ANXA1: variants seen among roughly 807,000 people sequenced by gnomAD.
ANXA1 encodes annexin I (lipocortin I).
A neutral mutation model predicts 47.9 loss-of-function variants in ANXA1; 39 were observed. That is an observed-to-expected ratio of 0.81 (90% CI 0.63 to 1.06). ANXA1 has a LOEUF of 1.06. Ranked by LOEUF, ANXA1 falls within the 50% of genes least tolerant of loss-of-function variation. The pLI is 0.00. For synonymous variants in ANXA1, 146 were observed against 142.5 expected, an observed-to-expected ratio of 1.02 and a Z score of -0.17; for missense variants, 446 against 422.7, an observed-to-expected ratio of 1.06 and a Z score of -0.48.
At chr9:73,166,679 T>G (rs1824234609) in intron 10 of ANXA1, among the ~76,000 whole-genome samples, 1 of 152,144 alleles carries the variant, frequency 6.6e-6, no homozygotes, top group African/African-American at 2.4e-5. Flanking sequence ...CCATCAGGGT[T>G]GGGGAACCTA....
chr9:73,155,857 TAAAC>T lies in ANXA1; in HGVS notation c.-14-2662_-14-2659del, dbSNP rs76491241. On this transcript the variant is annotated intron_variant, in intron 1 of 12. Transcript: ENST00000257497. Reference sequence around the variant, plus strand: ...TGCTCTCTCTTTCAAATAAGTGACTTAAACAACTTATTTTTGTTATCTTGTGTTA... The same window carrying T: ...TGCTCTCTCTTTCAAATAAGTGACTTAACTTATTTTTGTTATCTTGTGTTA... 7.2e-3 allele frequency among the ~76,000 whole-genome samples: 1,101 copies of T among 152,068 alleles called. 52 individuals carry two copies. In the East Asian group the frequency reaches 0.12, roughly 17 times the overall value.
intron 1 of ANXA1, among the ~76,000 whole-genome samples, chr9:73,153,508 T>C (rs1824002403): frequency 1.3e-5 from 2 of 152,216 alleles, no homozygotes; most frequent in African/African-American, 2.4e-5. Flanking sequence ...ATATTTAAGA[T>C]TGGCACTTCA....
At chr9:73,159,074 G>A (rs1824095951) in intron 3 of ANXA1, among the ~76,000 whole-genome samples, 2 of 152,166 alleles carry the variant, frequency 1.3e-5, no homozygotes, top group Non-Finnish European at 2.9e-5. Flanking sequence ...ATATAGAGTT[G>A]CAACTAGTAT....
intron 4 of ANXA1, 96 bp downstream of exon 4, chr9:73,159,519 AC>A: frequency 2.0e-6 from 2 of 1,001,972 alleles, no homozygotes; most frequent in Non-Finnish European, 3.0e-6. Context: ...TAAGGTTCTA[AC>A]CACTGTTTTC....
intron 1 of ANXA1, among the ~76,000 whole-genome samples, chr9:73,155,063 T>C (rs1029278097): frequency 2.0e-5 from 3 of 152,126 alleles, no homozygotes; most frequent in African/African-American, 4.8e-5. Context: ...CACATAAATA[T>C]GCAAAAAAAT....
At chr9:73,162,915 T>A in intron 7 of ANXA1, 54 bp downstream of exon 7, 1 of 1,423,500 alleles carries the variant, frequency 7.0e-7, no homozygotes, top group South Asian at 1.2e-5. Context: ...ACTAATTTCT[T>A]AGTCCATTTT....
At chr9:73,163,201 G>T (rs111402904) in intron 7 of ANXA1, among the ~76,000 whole-genome samples, 2 of 152,014 alleles carry the variant, frequency 1.3e-5, no homozygotes, top group African/African-American at 4.8e-5. Context: ...CCCAGTGACG[G>T]CATTAATCTC....
Position 73,158,684 on chromosome 9 carries a change from C to G in ANXA1, c.67-11C>G, listed in dbSNP as rs1284668906. 6.2e-7 allele frequency: 1 copy of G among 1,613,524 alleles called. No individual in the cohort carries two copies. ...TAAATGGCCATTAATTTATTTCTCT[C>G]TCATTCTTAGCAAACTGTGAAGTCA... On this transcript the variant is annotated splice_polypyrimidine_tract_variant and intron_variant, in intron 2 of 12. Transcript: ENST00000257497.
chr9:73,155,513 G>T (rs1460715050), intron 1 of ANXA1, among the ~76,000 whole-genome samples: 5 of 152,196 alleles, frequency 3.3e-5, no homozygotes, highest in African/African-American at 1.2e-4. Flanking sequence ...GTATTTGTTA[G>T]TTGTATTATA....
chr9:73,163,649 A>G (rs1041947935), intron 8 of ANXA1, 117 bp downstream of exon 8: 8 of 1,011,392 alleles, frequency 7.9e-6, no homozygotes, highest in Non-Finnish European at 1.0e-5. Context: ...TGGCTTCTTA[A>G]TGTTCATTTC....
chr9:73,162,824 C>A lies in ANXA1; in HGVS notation c.518C>A (p.Ser173Tyr), dbSNP rs544683457. 6.2e-7 allele frequency: 1 copy of A among 1,613,188 alleles called. No individual in the cohort carries two copies. Among genetic ancestry groups the A allele is most frequent in the Non-Finnish European group, 8.5e-7 (1 of 1,179,500 alleles). ...GCCAAAGACATAACCTCAGACACAT[C>A]TGGAGATTTTCGGAACGCTTTGCTT... ...DLAKDITSDTSGDFRNALLSL... is the reference protein window; with the variant it reads ...DLAKDITSDTYGDFRNALLSL... The change falls in exon 7 of 13, where the codon TCT becomes TAT. Residue 173 changes from serine to tyrosine, a missense_variant. Ser to Tyr is a moderately radical substitution (Grantham distance 144). Transcript: ENST00000257497.
chr9:73,154,336 C>A (rs1327959800), intron 1 of ANXA1: 1 of 1,366,196 alleles, frequency 7.3e-7, no homozygotes, highest in South Asian at 1.1e-5. Context: ...GAATTTGATT[C>A]TCAGGTGTGA....
intron 5 of ANXA1, 71 bp from the exon 6 acceptor site, chr9:73,160,732 C>A (rs2118152035): frequency 8.3e-7 from 1 of 1,210,554 alleles, no homozygotes; most frequent in South Asian, 1.4e-5. Flanking sequence ...TTTTGGAACA[C>A]CAAAAACTCA....
In ANXA1 at chr9:73,160,264, C is replaced by A; in HGVS notation, c.272C>A (p.Pro91His). The change falls in exon 5 of 13, where the codon CCC becomes CAC. Residue 91 changes from proline to histidine, a missense_variant and splice_region_variant. By Grantham distance (77) the Pro-to-His change is moderately conservative (BLOSUM62 -2). Coordinates refer to ENST00000257497, the MANE Select transcript of ANXA1 (RefSeq NM_000700.3). ...KAAYLQETGK[P>H]LDETLKKALT... ...TGATTCTAATCTTTTTTTTTGTAGC[C>A]CCTGGATGAAACACTGAAGAAAGCC... The A allele has an allele frequency of 6.5e-7, 1 of 1,543,916 alleles. No homozygotes were observed. The highest frequency in any genetic ancestry group is 8.7e-7 in the Non-Finnish European group (1 of 1,154,360).
Position 73,156,170 on chromosome 9 carries a change from T to A in ANXA1, c.-14-2352T>A, listed in dbSNP as rs567932877. 9.9e-4 allele frequency among the ~76,000 whole-genome samples: 103 copies of A among 104,136 alleles called. 1 individual carries two copies. Among genetic ancestry groups the A allele is most frequent in the Non-Finnish European group, 9.9e-4 (55 of 55,362 alleles). The allele number at this position is 104,136 out of a possible 152,430, so 68.3% of individuals were successfully genotyped here. ...TAATATAAATAAATAAATAAATAAA[T>A]AAAATAAATAAATAATAAAAACATG... On this transcript the variant is annotated intron_variant, in intron 1 of 12. Transcript: ENST00000257497.
At chr9:73,160,005 T>A (rs1446836466) in intron 4 of ANXA1, 1 of 261,768 alleles carries the variant, frequency 3.8e-6, no homozygotes, top group Non-Finnish European at 7.1e-6. Context: ...ATTTCTCCCC[T>A]GTGTATAAGA....
chr9:73,153,524 G>A (rs528484428), intron 1 of ANXA1, among the ~76,000 whole-genome samples: 1 of 152,276 alleles, frequency 6.6e-6, no homozygotes, highest in African/African-American at 2.4e-5. Flanking sequence ...CTTCAGAGCT[G>A]TAAATGGATC....
intron 8 of ANXA1, among the ~76,000 whole-genome samples, 192 bp downstream of exon 8, chr9:73,163,724 A>G (rs1334185378): frequency 6.6e-6 from 1 of 152,180 alleles, no homozygotes; most frequent in East Asian, 1.9e-4. Context: ...AGTTTTCAAT[A>G]TCTCTCATTA....
chr9:73,169,186 C>T (rs759725506), intron 12 of ANXA1, 32 bp downstream of exon 12: 1 of 1,561,986 alleles, frequency 6.4e-7, no homozygotes, highest in Non-Finnish European at 8.6e-7. Context: ...GCCATCCCAA[C>T]AAATGAAAGT....
Sources: gnomAD v4.1 joint callset for allele counts (sites outside exome capture counted in the v4.1 genomes callset) on GRCh38, gnomAD v4.1.1 for gene constraint, MANE v1.5 for transcripts, NCBI Gene and HGNC (gene_info 2026-07-23, HGNC 2026-07-21) for gene names.